ATP2B4: variants seen among roughly 807,000 people sequenced by gnomAD.
The protein encoded by ATP2B4 is ATPase plasma membrane Ca2+ transporting 4.
A neutral mutation model predicts 110.3 loss-of-function variants in ATP2B4; 39 were observed. The observed-to-expected ratio is 0.35, with a 90% confidence interval of 0.27 to 0.46. ATP2B4 has a LOEUF of 0.46. ATP2B4 is among the 20% of genes least tolerant of loss of function. The pLI is 1.00. For synonymous variants in ATP2B4, 538 were observed against 571.7 expected (o/e 0.94, Z 0.84); for missense variants, 1,135 against 1,530.9 (o/e 0.74, Z 4.32).
chr1:203,636,628 A>G (rs1419686285), intron 1 of ATP2B4, among the ~76,000 whole-genome samples: 5 of 152,228 alleles, frequency 3.3e-5, no homozygotes, highest in African/African-American at 1.2e-4. Context: ...ACTGGGAGTC[A>G]GAAAACTGGT....
chr1:203,684,038 T>A (rs1017979359), intron 2 of ATP2B4, among the ~76,000 whole-genome samples: 1 of 152,188 alleles, frequency 6.6e-6, no homozygotes, highest in Non-Finnish European at 1.5e-5. Flanking sequence ...TTTTAAAATG[T>A]TTATGTTATA....
chr1:203,696,439 C>T (rs1265366456), intron 2 of ATP2B4, among the ~76,000 whole-genome samples: 3 of 152,170 alleles, frequency 2.0e-5, no homozygotes, highest in Non-Finnish European at 4.4e-5. Context: ...GTTGAAGTTC[C>T]CTTCCTCTGA....
At chr1:203,662,304 G>T (rs529023370) in intron 1 of ATP2B4, among the ~76,000 whole-genome samples, 8 of 152,186 alleles carry the variant, frequency 5.3e-5, no homozygotes, top group African/African-American at 1.9e-4. Flanking sequence ...GGGATTACAG[G>T]CATGAGCCAC....
intron 20 of ATP2B4, among the ~76,000 whole-genome samples, chr1:203,731,059 T>C (rs181840174): frequency 6.6e-6 from 1 of 152,216 alleles, no homozygotes; most frequent in East Asian, 1.9e-4. Flanking sequence ...ATTGTGGAGG[T>C]TGGGACCTTG....
At chr1:203,699,437 AT>A in intron 3 of ATP2B4, 22 bp from the exon 4 acceptor site, 1 of 1,612,966 alleles carries the variant, frequency 6.2e-7, no homozygotes, top group East Asian at 2.2e-5. Flanking sequence ...TTCAGTGACT[AT>A]TTCTCTCCCT....
At chr1:203,695,084 T>G (rs1000263146) in intron 2 of ATP2B4, among the ~76,000 whole-genome samples, 1 of 152,196 alleles carries the variant, frequency 6.6e-6, no homozygotes, top group Admixed American at 6.5e-5. Flanking sequence ...TTATGATCTT[T>G]AATATCTGAT....
chr1:203,723,114 A>C (rs1339003392), intron 18 of ATP2B4, among the ~76,000 whole-genome samples: 3 of 152,098 alleles, frequency 2.0e-5, no homozygotes, highest in African/African-American at 4.8e-5. Flanking sequence ...GTGTTGTGCA[A>C]CTCAAAGAAA....
In ATP2B4 at chr1:203,739,644, C is replaced by A; in HGVS notation, c.3408C>A (p.Phe1136Leu). The A allele has an allele frequency of 6.2e-7, 1 of 1,614,070 alleles. No homozygotes were observed. The highest frequency in any genetic ancestry group is 8.5e-7 in the Non-Finnish European group (1 of 1,180,012). Residue 1136 changes from phenylalanine (F) to leucine (L), a missense_variant, in exon 21 of 21, where the codon TTC becomes TTA. This residue lies in a region of ATP2B4 where 92 missense variants were observed against 82.5 expected (regional missense o/e 1.11). Coordinates refer to ENST00000357681, the MANE Select transcript of ATP2B4 (RefSeq NM_001684.5). ...SIHSFMTHPE[F>L]AIEEELPRTP... ...ACAGCTTCATGACCCACCCTGAATT[C>A]GCCATAGAGGAGGAGTTGCCACGAA...
chr1:203,661,705 C>T (rs1664342756), intron 1 of ATP2B4, among the ~76,000 whole-genome samples: 1 of 152,236 alleles, frequency 6.6e-6, no homozygotes, highest in South Asian at 2.1e-4. Flanking sequence ...TGTTTCTCCA[C>T]CCCTTTGCCT....
intron 1 of ATP2B4, among the ~76,000 whole-genome samples, chr1:203,639,643 G>A (rs1214406263): frequency 6.6e-6 from 1 of 152,210 alleles, no homozygotes; most frequent in African/African-American, 2.4e-5. Flanking sequence ...AAGGGCTTGC[G>A]CTTGTCCTTT....
chr1:203,716,294 G>A (rs1292245893), intron 15 of ATP2B4, among the ~76,000 whole-genome samples: 1 of 145,184 alleles, frequency 6.9e-6, no homozygotes, highest in Non-Finnish European at 1.5e-5. Context: ...CCCATGAGGA[G>A]TCAAACAGAG....
chr1:203,722,811 G>A (rs921717281), intron 18 of ATP2B4, 122 bp downstream of exon 18: 4 of 920,882 alleles, frequency 4.3e-6, no homozygotes, highest in East Asian at 2.6e-5. Flanking sequence ...GGAGCTGTAA[G>A]TTGAACACTT....
intron 20 of ATP2B4, among the ~76,000 whole-genome samples, chr1:203,735,688 G>GA (rs1666861095): frequency 1.3e-5 from 2 of 152,184 alleles, no homozygotes; most frequent in South Asian, 4.1e-4. Context: ...AAACAGGCAA[G>GA]AAAGAACTCA....
chr1:203,677,025 A>AT lies in ATP2B4; in HGVS notation c.-464-5709dup, dbSNP rs79671168. ...GGAAGTAAGCTCATAGTTTGTTTAC[A>AT]TTTTTTTTATATCATTGTTCTTGCA... On this transcript the variant is annotated intron_variant, in intron 1 of 20. Coordinates refer to ENST00000357681, the MANE Select transcript of ATP2B4 (RefSeq NM_001684.5). Among the ~76,000 whole-genome samples, 493 of 152,060 alleles carry AT rather than the reference A, an allele frequency of 3.2e-3. 7 individuals carry two copies. In the East Asian group the frequency reaches 0.035, roughly 11 times the overall value.
At chr1:203,641,284 C>T (rs181592199) in intron 1 of ATP2B4, among the ~76,000 whole-genome samples, 2 of 152,314 alleles carry the variant, frequency 1.3e-5, no homozygotes, top group African/African-American at 4.8e-5. Flanking sequence ...GTCCAAACGC[C>T]AACAGATGCT....
chr1:203,687,525 G>A (rs1665234280), intron 2 of ATP2B4, among the ~76,000 whole-genome samples: 1 of 152,184 alleles, frequency 6.6e-6, no homozygotes, highest in Non-Finnish European at 1.5e-5. Context: ...ATAAAGAAAT[G>A]TACCTGGTGC....
chr1:203,673,026 A>G (rs924291437), intron 1 of ATP2B4, among the ~76,000 whole-genome samples: 6 of 152,186 alleles, frequency 3.9e-5, no homozygotes, highest in Non-Finnish European at 8.8e-5. Context: ...ACCTGGAAGG[A>G]CTAGCAGAGG....
chr1:203,734,473 G>C (rs987671072), intron 20 of ATP2B4, among the ~76,000 whole-genome samples: 1 of 152,158 alleles, frequency 6.6e-6, no homozygotes, highest in African/African-American at 2.4e-5. Context: ...TTAGGAGGCC[G>C]AGGTGGGCGG....
chr1:203,649,364 C>T (rs1663905983), intron 1 of ATP2B4, among the ~76,000 whole-genome samples: 1 of 152,198 alleles, frequency 6.6e-6, no homozygotes, highest in Non-Finnish European at 1.5e-5. Flanking sequence ...TTGAGCAAGT[C>T]ACTTAACCTC....
Sources: gnomAD v4.1 joint callset for allele counts (sites outside exome capture counted in the v4.1 genomes callset) on GRCh38, gnomAD v4.1.1 for gene constraint, gnomAD v4.1.1 regional missense constraint, MANE v1.5 for transcripts, NCBI Gene and HGNC (gene_info 2026-07-23, HGNC 2026-07-21) for gene names.